The following SUFU variants were observed in gnomAD, a reference collection of about 807,000 sequenced individuals.
SUFU encodes the protein suppressor of fused homolog.
SUFU carries 7 observed loss-of-function variants against 58.9 expected under a neutral mutation model. The ratio of observed to expected loss-of-function variants is 0.12; its 90% CI spans 0.07 to 0.22. The LOEUF is 0.22. Ranked by LOEUF, SUFU falls within the 10% of genes least tolerant of loss-of-function variation. The pLI is 1.00. For missense variants in SUFU, 451 were observed against 641.3 expected, an observed-to-expected ratio of 0.70 and a Z score of 3.20; for synonymous variants, 232 against 254.8, an observed-to-expected ratio of 0.91 and a Z score of 0.85.
chr10:102,586,342 G>A (rs958108536), intron 3 of SUFU, among the ~76,000 whole-genome samples: 2 of 152,020 alleles, frequency 1.3e-5, no homozygotes, highest in East Asian at 3.9e-4. Flanking sequence ...TATATGATTT[G>A]CAAATATTTT....
chr10:102,517,123 C>CA lies in SUFU; in HGVS notation c.317+7835dup, dbSNP rs758425846. On this transcript the variant is annotated intron_variant, in intron 2 of 11. Coordinates refer to ENST00000369902, the MANE Select transcript of SUFU (RefSeq NM_016169.4). ...GGGCAATAAGAGTGAAACTCCATCT[C>CA]AAAAAAAAAAAAAAATTAGCTGGGC... is the stretch of plus-strand genomic sequence containing the variant. Among the ~76,000 whole-genome samples the CA allele has an allele frequency of 1.0e-2, 1,214 of 121,778 alleles. 8 individuals are homozygous for CA. Among genetic ancestry groups the CA allele is most frequent in the Non-Finnish European group, 0.013 (738 of 57,042 alleles). 79.9% of individuals were successfully genotyped at this position (121,778 alleles called of 152,430 possible). A position where few individuals can be genotyped will look rare whatever the true frequency, so the allele number is the denominator to read the frequency against.
At chr10:102,503,889 G>T (rs2062281436), upstream of SUFU, 3 of 453,512 alleles carry the variant, frequency 6.6e-6, no homozygotes, top group African/African-American at 2.1e-5. Flanking sequence ...GACTGGCACA[G>T]ACATTAGCCA....
At position 102,594,050 on chromosome 10, in the gene SUFU, C is replaced by T. The variant is rs2135872473; in HGVS notation, c.741C>T (p.Ile247=). The T allele has an allele frequency of 2.5e-6, 4 of 1,611,920 alleles. No individual in the cohort carries two copies. Among genetic ancestry groups the T allele is most frequent in the Non-Finnish European group, 3.4e-6 (4 of 1,179,188 alleles). The stretch of plus-strand genomic sequence containing the variant: ...GGAGGGGAGAGACCATATTTGAGAT[C>T]GATCCACACCTGCAAGTATGTCTTG... ...DMRRGETIFE[I]DPHLQERVDK... is the part of the protein sequence containing the mutation. Residue 247 remains isoleucine, a synonymous_variant, in exon 6 of 12, where the codon ATC becomes ATT. Coordinates refer to ENST00000369902, the MANE Select transcript of SUFU (RefSeq NM_016169.4).
chr10:102,584,884 G>A (rs1488828023), intron 3 of SUFU, among the ~76,000 whole-genome samples: 1 of 152,202 alleles, frequency 6.6e-6, no homozygotes, highest in African/African-American at 2.4e-5. Flanking sequence ...CATCACTGAC[G>A]TACTGTGAGA....
Position 102,612,217 on chromosome 10 carries a change from A to G in SUFU, c.1023-3051A>G, listed in dbSNP as rs1224844320. On this transcript the variant is annotated intron_variant, in intron 8 of 11. Transcript: ENST00000369902. ...TGTGTGTGTGTGTGTGTGCACGCGC[A>G]TGTGTGTGTGTGTGTATAGCAGCCG... 1.0e-3 allele frequency among the ~76,000 whole-genome samples: 148 copies of G among 146,112 alleles called. 1 individual carries two copies. The highest frequency in any genetic ancestry group is 3.4e-3 in the African/African-American group (136 of 39,854).
At chr10:102,584,525 A>G (rs1263205053) in intron 3 of SUFU, among the ~76,000 whole-genome samples, 2 of 152,148 alleles carry the variant, frequency 1.3e-5, no homozygotes, top group East Asian at 3.8e-4. Context: ...TCAGCTCTAT[A>G]TGACTCTTTA....
At chr10:102,596,127 G>T (rs1446582268) in intron 6 of SUFU, among the ~76,000 whole-genome samples, 1 of 152,204 alleles carries the variant, frequency 6.6e-6, no homozygotes, top group Non-Finnish European at 1.5e-5. Context: ...TGACTGATGG[G>T]AAGGAGGCGT....
chr10:102,558,843 G>C (rs749272395), intron 3 of SUFU, among the ~76,000 whole-genome samples: 1 of 152,234 alleles, frequency 6.6e-6, no homozygotes, highest in Non-Finnish European at 1.5e-5. Flanking sequence ...TGTCGATGGA[G>C]CGGGCACTTT....
chr10:102,583,396 C>G (rs904672196), intron 3 of SUFU, among the ~76,000 whole-genome samples: 1 of 152,146 alleles, frequency 6.6e-6, no homozygotes, highest in Non-Finnish European at 1.5e-5. Context: ...TTGGCCAAAG[C>G]CTGATCACAC....
intron 5 of SUFU, 60 bp from the exon 6 acceptor site, chr10:102,593,933 G>A (rs1175031813): frequency 2.5e-6 from 4 of 1,589,242 alleles, no homozygotes; most frequent in African/African-American, 1.3e-5. Context: ...GCAGGCTGTA[G>A]GCCCAGCCCA....
chr10:102,557,124 T>C (rs2062989707), intron 3 of SUFU, among the ~76,000 whole-genome samples: 1 of 151,488 alleles, frequency 6.6e-6, no homozygotes, highest in Non-Finnish European at 1.5e-5. Context: ...GCACTTGTGG[T>C]CTCAGCTACT....
At chr10:102,611,216 T>A (rs1452910194) in intron 8 of SUFU, among the ~76,000 whole-genome samples, 1 of 152,058 alleles carries the variant, frequency 6.6e-6, no homozygotes, top group Non-Finnish European at 1.5e-5. Context: ...AGAAACTTGG[T>A]GGGATGTGAG....
chr10:102,532,654 A>G (rs2135700574), intron 2 of SUFU, among the ~76,000 whole-genome samples: 1 of 152,326 alleles, frequency 6.6e-6, no homozygotes, highest in Admixed American at 6.5e-5. Context: ...AGAGAAGGTG[A>G]CACCTGAGCC....
intron 11 of SUFU, 119 bp downstream of exon 11, chr10:102,627,362 A>G: frequency 1.0e-6 from 1 of 959,764 alleles, no homozygotes; most frequent in South Asian, 1.3e-5. Context: ...GTGTGCTTGC[A>G]TGTATCTGTG....
intron 3 of SUFU, among the ~76,000 whole-genome samples, chr10:102,571,232 C>T (rs780241272): frequency 1.3e-5 from 2 of 152,154 alleles, no homozygotes; most frequent in Non-Finnish European, 2.9e-5. Context: ...GAAAAATAGT[C>T]AGTACTAATA....
chr10:102,547,032 G>C (rs2062862786), intron 2 of SUFU, among the ~76,000 whole-genome samples: 1 of 152,240 alleles, frequency 6.6e-6, no homozygotes, highest in Non-Finnish European at 1.5e-5. Flanking sequence ...TGCATTTGAG[G>C]GTTCTTCCCA....
intron 2 of SUFU, among the ~76,000 whole-genome samples, chr10:102,528,336 G>A (rs975414264): frequency 1.2e-4 from 18 of 152,128 alleles, no homozygotes; most frequent in Non-Finnish European, 1.6e-4. Flanking sequence ...TTGGGAGGCC[G>A]AGGTAGGAGA....
intron 2 of SUFU, among the ~76,000 whole-genome samples, chr10:102,515,642 C>G (rs2062459940): frequency 6.6e-6 from 1 of 152,042 alleles, no homozygotes; most frequent in African/African-American, 2.4e-5. Flanking sequence ...CATGTCGTTT[C>G]CAAGAGAGAT....
intron 3 of SUFU, among the ~76,000 whole-genome samples, chr10:102,553,964 G>A (rs759490770): frequency 1.3e-5 from 2 of 152,166 alleles, no homozygotes; most frequent in Non-Finnish European, 2.9e-5. Flanking sequence ...GTGGTGACGC[G>A]TGCTTGTGGT....
Sources: gnomAD v4.1 joint callset for allele counts (sites outside exome capture counted in the v4.1 genomes callset) on GRCh38, gnomAD v4.1.1 for gene constraint, MANE v1.5 for transcripts, NCBI Gene and HGNC (gene_info 2026-07-23, HGNC 2026-07-21) for gene names.